Variants in KDM6A observed in about 807,000 individuals in gnomAD.
KDM6A encodes lysine-specific demethylase 6A.
In KDM6A, 11 loss-of-function variants were observed where a neutral mutation model predicts 117.6. The observed-to-expected ratio is 0.09, with a 90% CI of 0.06 to 0.15. KDM6A has a LOEUF of 0.15. Ranked by LOEUF, KDM6A falls within the 10% of genes least tolerant of loss-of-function variation. The pLI is 1.00. For missense variants in KDM6A, 799 were observed against 1,077.3 expected (o/e 0.74, Z 3.62); for synonymous variants, 384 against 396.1 (o/e 0.97, Z 0.36).
At chrX:44,889,924 C>A (rs1413213602) in intron 2 of KDM6A, among the ~76,000 whole-genome samples, 1 of 112,220 alleles carries the variant, frequency 8.9e-6, no homozygotes, top group African/African-American at 3.2e-5. Flanking sequence ...GTGTGCTTTA[C>A]CCAGTTTCCC....
At chrX:44,919,285 C>T (rs2035751682) in intron 2 of KDM6A, among the ~76,000 whole-genome samples, 1 of 111,438 alleles carries the variant, frequency 9.0e-6, no homozygotes, top group Non-Finnish European at 1.9e-5. Context: ...GTTGTCATGT[C>T]TCTAGGCTCT....
intron 2 of KDM6A, among the ~76,000 whole-genome samples, chrX:44,940,825 C>T (rs564724821): frequency 9.0e-6 from 1 of 111,515 alleles, no homozygotes; most frequent in South Asian, 3.8e-4. Context: ...CACCTGCGGT[C>T]GGGAGTTGGA....
intron 2 of KDM6A, among the ~76,000 whole-genome samples, chrX:44,904,880 A>G: frequency 8.9e-6 from 1 of 112,076 alleles, no homozygotes; most frequent in Non-Finnish European, 1.9e-5. Flanking sequence ...TTTCTTCACT[A>G]AACGCTTCCA....
At chrX:45,039,209 C>T (rs1170125973) in intron 8 of KDM6A, among the ~76,000 whole-genome samples, 1 of 110,393 alleles carries the variant, frequency 9.1e-6, no homozygotes, top group African/African-American at 3.3e-5. Flanking sequence ...ACTTTGCCTC[C>T]CCATCCCCCC....
intron 2 of KDM6A, among the ~76,000 whole-genome samples, chrX:44,894,611 T>G: frequency 1.0e-5 from 1 of 98,977 alleles, no homozygotes; most frequent in South Asian, 4.9e-4. Flanking sequence ...CTTAATTAAT[T>G]AATTAATTAA....
At chrX:44,881,938 TC>T (rs2032348982) in intron 2 of KDM6A, among the ~76,000 whole-genome samples, 1 of 110,832 alleles carries the variant, frequency 9.0e-6, no homozygotes, top group Admixed American at 9.8e-5. Flanking sequence ...TCCCCCCGCG[TC>T]GGCCTCCTGA....
At chrX:44,961,232 G>A (rs1416544423) in intron 2 of KDM6A, 52 bp from the exon 3 acceptor site, 18 of 894,503 alleles carry the variant, frequency 2.0e-5, no homozygotes, top group Non-Finnish European at 2.7e-5. Context: ...GGGAGGAAAT[G>A]TATTTTAGGG....
At chrX:44,927,963 T>C (rs2036402610) in intron 2 of KDM6A, among the ~76,000 whole-genome samples, 1 of 110,948 alleles carries the variant, frequency 9.0e-6, no homozygotes, top group Non-Finnish European at 1.9e-5. Flanking sequence ...TCTCGAGTTG[T>C]TATATTATGG....
rs1008669886 is a variant in KDM6A at position 44,930,790 on chromosome X, C to A, written c.226-30494C>A. ...AGCAATCTGAAAAATTATGGATAAT[C>A]TCTTATGTACCTGGAATTAAAACAA... On this transcript the variant is annotated intron_variant, in intron 2 of 29. Transcript: ENST00000611820. Among the ~76,000 whole-genome samples, 3 of 111,777 alleles carry A rather than the reference C, an allele frequency of 2.7e-5. No individual in the cohort carries two copies. In the Admixed American group the frequency reaches 2.9e-4, roughly 11 times the overall value.
chrX:44,934,227 G>T (rs1226220806), intron 2 of KDM6A, among the ~76,000 whole-genome samples: 2 of 111,369 alleles, frequency 1.8e-5, no homozygotes, highest in African/African-American at 6.5e-5. Flanking sequence ...TTTATATTTG[G>T]CATGCCATCA....
intron 5 of KDM6A, among the ~76,000 whole-genome samples, chrX:45,013,361 C>G (rs903418538): frequency 4.5e-5 from 5 of 111,812 alleles, no homozygotes; most frequent in African/African-American, 1.6e-4. Context: ...AGGAACTCTT[C>G]TGTTCTACCT....
intron 2 of KDM6A, among the ~76,000 whole-genome samples, chrX:44,946,445 A>G (rs751038019): frequency 5.4e-5 from 6 of 111,767 alleles, no homozygotes; most frequent in Non-Finnish European, 1.1e-4. Flanking sequence ...GGAGTTCCTT[A>G]TATATTCTAA....
At chrX:44,915,064 G>A (rs772187370) in intron 2 of KDM6A, among the ~76,000 whole-genome samples, 81 of 111,846 alleles carry the variant, frequency 7.2e-4, no homozygotes, top group Admixed American at 1.9e-3. Context: ...GTTGTACATT[G>A]TGGATGTTTC....
chrX:45,004,246 C>T (rs2041320055), intron 4 of KDM6A, among the ~76,000 whole-genome samples: 1 of 110,968 alleles, frequency 9.0e-6, no homozygotes, highest in Non-Finnish European at 1.9e-5. Context: ...CTTGGTCCTC[C>T]AGATGGAGAC....
chrX:44,934,740 T>G (rs1470486976), intron 2 of KDM6A, among the ~76,000 whole-genome samples: 1 of 110,959 alleles, frequency 9.0e-6, no homozygotes, highest in Non-Finnish European at 1.9e-5. Flanking sequence ...GAATGAGAAT[T>G]AGAGAGAAGG....
chrX:44,913,199 G>A (rs1453480136), intron 2 of KDM6A, among the ~76,000 whole-genome samples: 1 of 110,452 alleles, frequency 9.1e-6, no homozygotes, highest in Non-Finnish European at 1.9e-5. Flanking sequence ...AATAGAAAAT[G>A]TATTTTATGT....
chrX:45,038,651 C>T (rs950165736), intron 8 of KDM6A, among the ~76,000 whole-genome samples: 7 of 107,644 alleles, frequency 6.5e-5, no homozygotes, highest in African/African-American at 1.7e-4. Context: ...ACCTAATGCA[C>T]GTGGGGCTTA....
chrX:44,932,084 CTTTTTTT>C (rs796121677), intron 2 of KDM6A, among the ~76,000 whole-genome samples: 19 of 17,093 alleles, frequency 1.1e-3, no homozygotes, highest in African/African-American at 3.8e-3. Context: ...TCTAGGTAGC[CTTTTTTT>C]TTTTTTTTTT....
chrX:45,050,787 T>C (rs1412286085), intron 8 of KDM6A, among the ~76,000 whole-genome samples: 2 of 110,957 alleles, frequency 1.8e-5, no homozygotes, highest in African/African-American at 6.6e-5. Flanking sequence ...TTAGTACTCT[T>C]GAGAACTGTG....
Sources: gnomAD v4.1 joint callset for allele counts (sites outside exome capture counted in the v4.1 genomes callset) on GRCh38, gnomAD v4.1.1 for gene constraint, MANE v1.5 for transcripts, NCBI Gene and HGNC (gene_info 2026-07-23, HGNC 2026-07-21) for gene names.